NOTCH2: variants seen among roughly 807,000 people sequenced by gnomAD.
NOTCH2 encodes the protein notch receptor 2, also known as neurogenic locus notch homolog protein 2.
Under a neutral mutation model 235.8 loss-of-function variants are expected in NOTCH2, and 29 were observed. The observed-to-expected ratio is 0.12, with a 90% CI of 0.09 to 0.17. The LOEUF (loss-of-function observed/expected upper bound fraction) is 0.17. NOTCH2 is among the 10% of genes least tolerant of loss of function. The probability of loss-of-function intolerance (pLI) is 1.00; values close to 1 mark genes in which losing one functional copy is unlikely to be tolerated. For synonymous variants in NOTCH2, 1,086 were observed against 1,141.5 expected, an observed-to-expected ratio of 0.95 and a Z score of 0.98; for missense variants, 2,285 against 3,150.2, an observed-to-expected ratio of 0.73 and a Z score of 6.57.
chr1:119,976,066 A>G (rs1390361657), intron 5 of NOTCH2, among the ~76,000 whole-genome samples: 1 of 152,178 alleles, frequency 6.6e-6, no homozygotes, highest in Non-Finnish European at 1.5e-5. Context: ...TTAAGGGTCA[A>G]CTCTCATTGC....
Position 119,915,541 on chromosome 1 carries a change from G to A in NOTCH2, c.7181C>T (p.Ser2394Phe). ...GGGTGTTCGCTCAGCAGCATTTGAG[G>A]AAGCATAACTGTGCTGTGAAGGGGG... ...PTPPSQHSYA[S>F]SNAAERTPSH... The change falls in exon 34 of 34, where the codon TCC becomes TTC. Residue 2394 changes from serine (S) to phenylalanine (F), a missense_variant. Physicochemically the swap from Ser to Phe is radical, Grantham distance 155. This residue lies in a region of NOTCH2 where 504 missense variants were observed against 538.0 expected (regional missense o/e 0.94). Coordinates refer to ENST00000256646, the MANE Select transcript of NOTCH2 (RefSeq NM_024408.4). 6.2e-7 allele frequency: 1 copy of A among 1,614,108 alleles called. No homozygotes were observed.
intron 12 of NOTCH2, among the ~76,000 whole-genome samples, chr1:119,957,395 C>T (rs1369821485): frequency 1.3e-5 from 2 of 152,190 alleles, no homozygotes; most frequent in Non-Finnish European, 2.9e-5. Flanking sequence ...TAATTCCTTA[C>T]ATTCCCCCAT....
intron 12 of NOTCH2, 96 bp downstream of exon 12, chr1:119,959,296 G>C (rs1650846636): frequency 1.3e-6 from 1 of 783,064 alleles, no homozygotes; most frequent in South Asian, 1.4e-5. Flanking sequence ...GAGTGACAAA[G>C]AAATAGGAAA....
chr1:120,065,105 C>T (rs1655455175), intron 1 of NOTCH2, among the ~76,000 whole-genome samples: 1 of 151,874 alleles, frequency 6.6e-6, no homozygotes. Flanking sequence ...CAGAAGTGAT[C>T]AGAAAAAGAA....
chr1:119,983,422 G>A (rs1553201892), intron 5 of NOTCH2, among the ~76,000 whole-genome samples: 1 of 151,970 alleles, frequency 6.6e-6, no homozygotes, highest in African/African-American at 2.4e-5. Context: ...CAAAGTGCTG[G>A]GATTAGAGGC....
intron 23 of NOTCH2, 92 bp from the exon 24 acceptor site, chr1:119,926,703 AG>A: frequency 1.0e-6 from 1 of 961,616 alleles, no homozygotes; most frequent in Admixed American, 2.0e-5. Flanking sequence ...AACTAGCCAT[AG>A]GTGAAGCAAG....
chr1:119,961,049 G>A (rs2101132901), intron 11 of NOTCH2, among the ~76,000 whole-genome samples: 1 of 152,264 alleles, frequency 6.6e-6, no homozygotes, highest in South Asian at 2.1e-4. Flanking sequence ...TGCCTGTCAT[G>A]TAAGTTTTCT....
chr1:119,930,092 C>T (rs1649604113), intron 22 of NOTCH2, among the ~76,000 whole-genome samples: 1 of 152,188 alleles, frequency 6.6e-6, no homozygotes, highest in East Asian at 1.9e-4. Flanking sequence ...TGTGTAATTA[C>T]ACTCCATGAT....
chr1:119,937,757 C>A, intron 20 of NOTCH2, 100 bp downstream of exon 20: 2 of 1,355,126 alleles, frequency 1.5e-6, no homozygotes, highest in Non-Finnish European at 2.1e-6. Context: ...CTACTATCTG[C>A]CCTTCCCTCT....
At chr1:119,920,423 A>G (rs749129833) in intron 29 of NOTCH2, 26 bp from the exon 30 acceptor site, 59 of 1,613,622 alleles carry the variant, frequency 3.7e-5, no homozygotes, top group Non-Finnish European at 4.5e-5. Flanking sequence ...AATGCTCCCT[A>G]TCAATCTGGC....
Position 119,997,205 on chromosome 1 carries a change from A to G in NOTCH2, c.543T>C (p.Thr181=), listed in dbSNP as rs782055084. The change falls in exon 4 of 34, where the codon ACT becomes ACC. Residue 181 remains threonine, a synonymous_variant. Transcript: ENST00000256646. ...LTGFTGQKCE[T]DVNECDIPGH... ...CTGGAATGTCACACTCATTGACATC[A>G]GTCTCACATTTCTGCCCTGTGAAGC... The G allele has an allele frequency of 6.2e-7, 1 of 1,614,016 alleles. No individual in the cohort carries two copies.
Position 119,997,183 on chromosome 1 carries a change from G to A in NOTCH2, c.565C>T (p.Pro189Ser). The A allele has an allele frequency of 6.2e-7, 1 of 1,613,996 alleles. No individual in the cohort carries two copies. The highest frequency in any genetic ancestry group is 8.5e-7 in the Non-Finnish European group (1 of 1,179,860). Reference sequence around the variant, plus strand: ...GTGCCACCATGCTGGCAGTGTCCTGGAATGTCACACTCATTGACATCAGTC... The same window carrying A: ...GTGCCACCATGCTGGCAGTGTCCTGAAATGTCACACTCATTGACATCAGTC... ...CETDVNECDI[P>S]GHCQHGGTCL... Residue 189 changes from proline (P) to serine (S), a missense_variant, in exon 4 of 34, where the codon CCA (proline) becomes TCA (serine). By Grantham distance (74) the Pro-to-Ser change is moderately conservative (BLOSUM62 -1). Coordinates refer to ENST00000256646, the MANE Select transcript of NOTCH2 (RefSeq NM_024408.4).
chr1:119,973,409 T>C lies in NOTCH2; in HGVS notation c.875-3665A>G, dbSNP rs868944228. Among the ~76,000 whole-genome samples the C allele has an allele frequency of 3.3e-5, 5 of 151,772 alleles. No homozygotes were observed. The South Asian group carries it at 1.0e-3, about 32-fold the overall frequency. On this transcript the variant is annotated intron_variant, in intron 5 of 33. Coordinates refer to ENST00000256646, the MANE Select transcript of NOTCH2 (RefSeq NM_024408.4). Reference sequence around the variant, plus strand: ...CCCTCCTGGCACAGGAGAAAACCAATGCTAAAGACTAAAAATAAAAAACTT... The same window carrying C: ...CCCTCCTGGCACAGGAGAAAACCAACGCTAAAGACTAAAAATAAAAAACTT...
At chr1:119,922,944 GA>G (rs1649338495) in intron 26 of NOTCH2, among the ~76,000 whole-genome samples, 166 bp from the exon 27 acceptor site, 1 of 152,216 alleles carries the variant, frequency 6.6e-6, no homozygotes. Flanking sequence ...TCAGGAATTA[GA>G]ATACTGTCCC....
At chr1:119,948,657 G>C in intron 16 of NOTCH2, 91 bp from the exon 17 acceptor site, 1 of 1,444,482 alleles carries the variant, frequency 6.9e-7, no homozygotes, top group East Asian at 2.3e-5. Flanking sequence ...GGGGTGCATG[G>C]AGCTATTCCA....
chr1:119,988,441 A>C (rs1553202478), intron 4 of NOTCH2, among the ~76,000 whole-genome samples: 1 of 152,200 alleles, frequency 6.6e-6, no homozygotes, highest in East Asian at 1.9e-4. Context: ...TCACTGAAGA[A>C]GCCTGAAAAA....
chr1:119,951,232 G>T (rs897618383), intron 14 of NOTCH2, among the ~76,000 whole-genome samples: 4 of 152,146 alleles, frequency 2.6e-5, no homozygotes, highest in African/African-American at 9.7e-5. Flanking sequence ...GCTCACTGCA[G>T]CCTCGACCTC....
intron 17 of NOTCH2, among the ~76,000 whole-genome samples, chr1:119,947,627 C>T (rs587680690): frequency 1.8e-4 from 28 of 152,268 alleles, no homozygotes; most frequent in Non-Finnish European, 2.8e-4. Flanking sequence ...CATACACTTA[C>T]GACATGATTC....
chr1:120,013,302 AT>A (rs1201859222), intron 2 of NOTCH2, among the ~76,000 whole-genome samples: 1 of 151,746 alleles, frequency 6.6e-6, no homozygotes, highest in Non-Finnish European at 1.5e-5. Flanking sequence ...ATGTAGTGCC[AT>A]GTCATGCACT....
Sources: allele counts gnomAD v4.1 joint callset (sites outside exome capture counted in the v4.1 genomes callset), GRCh38; gene constraint gnomAD v4.1.1; regional missense constraint gnomAD v4.1.1; transcripts MANE v1.5; gene names NCBI Gene and HGNC (gene_info 2026-07-23, HGNC 2026-07-21).